Variants in DNAH11 observed in about 807,000 individuals in gnomAD.
DNAH11 encodes dynein axonemal heavy chain 11, also known as axonemal beta dynein heavy chain 11.
DNAH11 carries 442 observed loss-of-function variants against 526.0 expected under a neutral mutation model. The observed-to-expected ratio is 0.84, with a 90% CI of 0.78 to 0.91. The LOEUF is 0.91. DNAH11 is among the 40% of genes least tolerant of loss of function. DNAH11 has a pLI of 0.00. For missense variants in DNAH11, 6,989 were observed against 5,448.7 expected, an observed-to-expected ratio of 1.28 and a Z score of -8.90; for synonymous variants, 2,461 against 1,935.9, an observed-to-expected ratio of 1.27 and a Z score of -7.12.
intron 68 of DNAH11, 93 bp downstream of exon 68, chr7:21,854,548 TAAC>T: frequency 7.9e-7 from 1 of 1,264,182 alleles, no homozygotes; most frequent in South Asian, 1.5e-5. Context: ...ATAATAATAA[TAAC>T]TATTATTACT....
chr7:21,749,608 C>A, intron 52 of DNAH11, 70 bp from the exon 53 acceptor site: 1 of 1,582,484 alleles, frequency 6.3e-7, no homozygotes. Context: ...TTCTCCCCAG[C>A]ACTCACACAC....
intron 46 of DNAH11, among the ~76,000 whole-genome samples, chr7:21,738,406 T>C (rs578141329): frequency 1.3e-5 from 2 of 152,258 alleles, no homozygotes; most frequent in East Asian, 3.9e-4. Context: ...AGTACGCAGA[T>C]CAGCAATTGG....
At chr7:21,587,066 A>G (rs145066131) in intron 9 of DNAH11, among the ~76,000 whole-genome samples, 3 of 152,342 alleles carry the variant, frequency 2.0e-5, no homozygotes, top group African/African-American at 7.2e-5. Flanking sequence ...GGGACATAGC[A>G]CTATAGAAAC....
intron 68 of DNAH11, among the ~76,000 whole-genome samples, chr7:21,861,620 A>C (rs149828258): frequency 6.6e-6 from 1 of 152,228 alleles, no homozygotes; most frequent in Admixed American, 6.5e-5. Flanking sequence ...GATGCAATTC[A>C]ATTGCTTGGA....
intron 56 of DNAH11, among the ~76,000 whole-genome samples, chr7:21,777,164 A>G (rs940941955): frequency 6.6e-6 from 1 of 152,152 alleles, no homozygotes; most frequent in African/African-American, 2.4e-5. Context: ...TTGTCATTTC[A>G]AAAATGCTAT....
chr7:21,751,228 G>A (rs1288000302), intron 54 of DNAH11, among the ~76,000 whole-genome samples: 3 of 152,150 alleles, frequency 2.0e-5, no homozygotes, highest in Non-Finnish European at 4.4e-5. Context: ...GGTGGCTGAG[G>A]CAGGAGAATC....
At chr7:21,588,785 C>A in intron 11 of DNAH11, 149 bp downstream of exon 11, 3 of 871,150 alleles carry the variant, frequency 3.4e-6, no homozygotes, top group Non-Finnish European at 5.2e-6. Flanking sequence ...GGGATTCATT[C>A]CCATGGTTTT....
chr7:21,753,495 A>G (rs559235268), intron 54 of DNAH11, among the ~76,000 whole-genome samples: 33 of 152,298 alleles, frequency 2.2e-4, no homozygotes, highest in African/African-American at 7.5e-4. Context: ...TACCTCTGAA[A>G]TACATTTTTT....
chr7:21,647,471 C>G (rs1787410336), intron 28 of DNAH11, among the ~76,000 whole-genome samples: 1 of 140,338 alleles, frequency 7.1e-6, no homozygotes, highest in African/African-American at 2.6e-5. Flanking sequence ...ACTCTATTGC[C>G]CAGGCTGGAG....
chr7:21,744,586 A>G lies in DNAH11; in HGVS notation c.8303A>G (p.Tyr2768Cys), dbSNP rs2128491619. The change falls in exon 50 of 82, where the codon TAT becomes TGT. Residue 2768 changes from tyrosine (Y) to cysteine (C), a missense_variant. Transcript: ENST00000409508. ...LFQRRMLETAYKYFEGIDSHM... is the reference protein window; with the variant it reads ...LFQRRMLETACKYFEGIDSHM... ...CAGAGAAGAATGCTGGAAACTGCTT[A>G]TAAATATTTTGAAGTAAGCGTATGA... 2 of 1,613,178 alleles carry G rather than the reference A, an allele frequency of 1.2e-6. No individual in the cohort carries two copies. The highest frequency in any genetic ancestry group is 2.2e-5 in the East Asian group (1 of 44,884).
chr7:21,809,130 C>A (rs558396694), intron 63 of DNAH11, among the ~76,000 whole-genome samples: 2 of 152,112 alleles, frequency 1.3e-5, no homozygotes, highest in Non-Finnish European at 2.9e-5. Flanking sequence ...CCTGATGACT[C>A]GGTGATGTTG....
intron 76 of DNAH11, among the ~76,000 whole-genome samples, chr7:21,890,803 C>T (rs1583816759): frequency 6.6e-6 from 1 of 152,132 alleles, no homozygotes; most frequent in South Asian, 2.1e-4. Context: ...AAAGCCAAGC[C>T]AATGGATACT....
intron 65 of DNAH11, among the ~76,000 whole-genome samples, chr7:21,834,012 C>T (rs774396133): frequency 1.3e-5 from 2 of 152,306 alleles, no homozygotes; most frequent in East Asian, 1.9e-4. Flanking sequence ...ACCTCACAGA[C>T]GTTTACAGAA....
At chr7:21,781,712 G>A (rs1248598468) in intron 57 of DNAH11, among the ~76,000 whole-genome samples, 1 of 152,168 alleles carries the variant, frequency 6.6e-6, no homozygotes, top group Non-Finnish European at 1.5e-5. Flanking sequence ...TCTAAAGGCA[G>A]ACAAGTGCAC....
Position 21,784,540 on chromosome 7 carries a change from G to A in DNAH11, c.9597G>A (p.Arg3199=). ...CAGCTGCACTCAATACACTCAACAG[G>A]GTAAAGATAATTTATTGGTCCCTGA... The part of the protein sequence containing the change: ...AATAALNTLN[R]VNLSELKAFP... The change falls in exon 58 of 82, where the codon AGG becomes AGA. Residue 3199 remains arginine, a splice_region_variant and synonymous_variant. Coordinates refer to ENST00000409508, the MANE Select transcript of DNAH11 (RefSeq NM_001277115.2). 2 of 1,587,292 alleles carry A rather than the reference G, an allele frequency of 1.3e-6. No homozygotes were observed. The highest frequency in any genetic ancestry group is 1.7e-6 in the Non-Finnish European group (2 of 1,167,272).
At chr7:21,718,055 C>T (rs1784731751) in intron 43 of DNAH11, 130 bp downstream of exon 43, 2 of 1,282,696 alleles carry the variant, frequency 1.6e-6, no homozygotes, top group Non-Finnish European at 2.1e-6. Context: ...TGCTGCAACC[C>T]TCTTGCCCCC....
chr7:21,900,126 ACAC>A lies in DNAH11; in HGVS notation c.13303+8_13303+10del. ...CCACGGACTCTTCATGGAGGGTAAG[ACAC>A]CCCAAGGGGTAAGTGGGGAACCTTT... On this transcript the variant is annotated splice_region_variant and intron_variant, in intron 81 of 81. Transcript: ENST00000409508. 6.2e-7 allele frequency: 1 copy of A among 1,609,254 alleles called. No homozygotes were observed. Among genetic ancestry groups the A allele is most frequent in the Non-Finnish European group, 8.5e-7 (1 of 1,177,286 alleles).
At chr7:21,787,977 C>T (rs1562545812) in intron 60 of DNAH11, among the ~76,000 whole-genome samples, 1 of 152,188 alleles carries the variant, frequency 6.6e-6, no homozygotes, top group Non-Finnish European at 1.5e-5. Flanking sequence ...GTATTGTTGA[C>T]ATAGTGAGAT....
intron 8 of DNAH11, among the ~76,000 whole-genome samples, chr7:21,577,726 T>A (rs1784153368): frequency 6.6e-6 from 1 of 151,994 alleles, no homozygotes; most frequent in Non-Finnish European, 1.5e-5. Flanking sequence ...TCAGAGAAAG[T>A]CAGCAAAAAC....
Sources: gnomAD v4.1 joint callset for allele counts (sites outside exome capture counted in the v4.1 genomes callset) on GRCh38, gnomAD v4.1.1 for gene constraint, MANE v1.5 for transcripts, NCBI Gene and HGNC (gene_info 2026-07-23, HGNC 2026-07-21) for gene names.